Variants in HDX observed in about 807,000 individuals in gnomAD.
HDX encodes the protein chromosome X open reading frame 43.
Under a neutral mutation model 45.2 loss-of-function variants are expected in HDX, and 19 were observed. The ratio of observed to expected loss-of-function variants is 0.42; its 90% CI spans 0.29 to 0.62. HDX has a LOEUF of 0.62. HDX is among the 20% of genes least tolerant of loss of function. The pLI is 0.20. For missense variants in HDX, 532 were observed against 493.9 expected (o/e 1.08, Z -0.73); for synonymous variants, 188 against 172.8 (o/e 1.09, Z -0.69).
At chrX:84,417,586 A>G (rs1399216953) in intron 5 of HDX, among the ~76,000 whole-genome samples, 1 of 112,113 alleles carries the variant, frequency 8.9e-6, no homozygotes, top group Non-Finnish European at 1.9e-5. Context: ...AGAATGCTGG[A>G]AAATCTAGTA....
chrX:84,467,521 G>A (rs1367860478), intron 4 of HDX, among the ~76,000 whole-genome samples: 1 of 109,561 alleles, frequency 9.1e-6, no homozygotes, highest in African/African-American at 3.3e-5. Flanking sequence ...CAGCTACTCG[G>A]GAGGCTGAGG....
At chrX:84,450,305 A>G (rs763888980) in intron 4 of HDX, among the ~76,000 whole-genome samples, 2 of 111,784 alleles carry the variant, frequency 1.8e-5, no homozygotes, top group South Asian at 3.8e-4. Flanking sequence ...CAAGAAAGCA[A>G]TCTCACCTAT....
At chrX:84,429,855 A>G (rs543617712) in intron 5 of HDX, among the ~76,000 whole-genome samples, 1 of 110,279 alleles carries the variant, frequency 9.1e-6, no homozygotes, top group East Asian at 2.8e-4. Flanking sequence ...TTTTTTTGCA[A>G]TGGAAAGGAC....
rs1267701267 is a variant in HDX, at chrX:84,468,773, C to G, written c.950G>C (p.Arg317Thr). The stretch of plus-strand genomic sequence containing the variant: ...TCTCGAATAGCTTGGTATCTGTGCT[C>G]TCATCGATGCCAGCTCTTCCTCTCT... ...YAREEELASM[R>T]AQIPSYSRFY... The change falls in exon 4 of 11, where the codon AGA becomes ACA. Residue 317 changes from arginine (R) to threonine (T), a missense_variant. By Grantham distance (71) the Arg-to-Thr change is moderately conservative. Around this residue, in one of 3 missense-constraint regions of HDX, gnomAD observed 376 missense variants for 343.7 expected, o/e 1.09. Coordinates refer to ENST00000373177, the MANE Select transcript of HDX (RefSeq NM_001177479.2). The G allele has an allele frequency of 1.7e-6, 2 of 1,210,916 alleles. No homozygotes were observed. The highest frequency in any genetic ancestry group is 2.2e-6 in the Non-Finnish European group (2 of 894,814).
In HDX at chrX:84,349,657, A is replaced by T. The variant is rs190520039; in HGVS notation, c.1453-5200T>A. On this transcript the variant is annotated intron_variant, in intron 6 of 10. Coordinates refer to ENST00000373177, the MANE Select transcript of HDX (RefSeq NM_001177479.2). Reference sequence around the variant, plus strand: ...AACAACCCTAACCCCTAACCCCCTTAACCCTTGACCTTAACCCTAGCCCTG... The same window carrying T: ...AACAACCCTAACCCCTAACCCCCTTTACCCTTGACCTTAACCCTAGCCCTG... Among the ~76,000 whole-genome samples the T allele has an allele frequency of 3.5e-3, 249 of 71,213 alleles. 1 individual carries two copies. The highest frequency in any genetic ancestry group is 0.014 in the African/African-American group (244 of 17,125). The allele number at this position is 71,213 out of a possible 115,157, so 61.8% of individuals were successfully genotyped here.
rs1429679169 is a variant in HDX at position 84,435,713 on chromosome X, T to C, written c.1305+4819A>G. Among the ~76,000 whole-genome samples the C allele has an allele frequency of 2.8e-5, 3 of 108,892 alleles. No individual in the cohort carries two copies. The East Asian group carries it at 8.7e-4, about 31-fold the overall frequency. The allele number at this position is 108,892 out of a possible 115,157, so 94.6% of individuals were successfully genotyped here. On this transcript the variant is annotated intron_variant, in intron 5 of 10. Transcript: ENST00000373177. ...GTTTTAGGTCTAACGTTTAAATCTT[T>C]AATCCATCTTGAATTGATTTTTGTA...
At chrX:84,362,874 C>T (rs1297753456) in intron 5 of HDX, among the ~76,000 whole-genome samples, 1 of 111,641 alleles carries the variant, frequency 9.0e-6, no homozygotes, top group African/African-American at 3.3e-5. Context: ...TGATGTAATA[C>T]TAAACAACAG....
chrX:84,435,282 G>A (rs1423421981), intron 5 of HDX, among the ~76,000 whole-genome samples: 2 of 111,252 alleles, frequency 1.8e-5, no homozygotes, highest in African/African-American at 6.5e-5. Flanking sequence ...ATCTCATAGT[G>A]GTTTTGATTT....
intron 6 of HDX, among the ~76,000 whole-genome samples, chrX:84,351,355 T>C (rs1040431345): frequency 2.7e-5 from 3 of 111,023 alleles, no homozygotes; most frequent in Non-Finnish European, 5.7e-5. Context: ...TGAGTGTTTT[T>C]TGTTTGTTGG....
intron 5 of HDX, among the ~76,000 whole-genome samples, chrX:84,431,785 T>C (rs1326697752): frequency 9.0e-6 from 1 of 111,437 alleles, no homozygotes; most frequent in African/African-American, 3.3e-5. Context: ...ATTCTGTAGG[T>C]TGTCTGTTTA....
At chrX:84,474,382 CTT>C (rs1440191317) in intron 3 of HDX, among the ~76,000 whole-genome samples, 5 of 112,507 alleles carry the variant, frequency 4.4e-5, no homozygotes. Flanking sequence ...GCGAATAAAT[CTT>C]TTAGTCTTTA....
At chrX:84,422,663 G>GTTTTTTTTTTTTTT (rs779557860) in intron 5 of HDX, among the ~76,000 whole-genome samples, 2 of 64,923 alleles carry the variant, frequency 3.1e-5, no homozygotes, top group African/African-American at 5.6e-5. Context: ...GAAATAAAAG[G>GTTTTTTTTTTTTTT]TTTTTTTTTT....
At chrX:84,464,479 T>C (rs917793860) in intron 4 of HDX, among the ~76,000 whole-genome samples, 5 of 111,012 alleles carry the variant, frequency 4.5e-5, no homozygotes, top group Non-Finnish European at 5.7e-5. Flanking sequence ...AAAACAGATA[T>C]ATAGACTAAT....
At chrX:84,360,116 C>T (rs2037584778) in intron 6 of HDX, among the ~76,000 whole-genome samples, 1 of 111,595 alleles carries the variant, frequency 9.0e-6, no homozygotes, top group African/African-American at 3.2e-5. Flanking sequence ...AAAAAGTGGG[C>T]AAAGGACATG....
At chrX:84,347,414 C>T (rs1471049000) in intron 6 of HDX, among the ~76,000 whole-genome samples, 1 of 111,013 alleles carries the variant, frequency 9.0e-6, no homozygotes, top group Non-Finnish European at 1.9e-5. Context: ...TGAGAGCTTC[C>T]TGTTTTCTAA....
intron 5 of HDX, among the ~76,000 whole-genome samples, chrX:84,390,059 C>T (rs1057057989): frequency 4.5e-5 from 5 of 110,335 alleles, no homozygotes; most frequent in Non-Finnish European, 7.6e-5. Context: ...CCAGTGTAAC[C>T]GTTCTATCCA....
In HDX at chrX:84,321,167, G is replaced by T. The variant is rs762122858; in HGVS notation, c.*722C>A. The T allele has an allele frequency of 9.0e-6, 1 of 110,821 alleles. No individual in the cohort carries two copies. The highest frequency in any genetic ancestry group is 1.9e-5 in the Non-Finnish European group (1 of 52,425). 9.1% of individuals were successfully genotyped at this position (110,821 alleles called of 1,213,427 possible). A position where few individuals can be genotyped will look rare whatever the true frequency, so the allele number is the denominator to read the frequency against. ...AATACTTGTCATTTGTAGTAATGAA[G>T]AATCCCCATCAAGACTAATTTTGAC... On this transcript the variant is annotated 3_prime_UTR_variant, in exon 11 of 11. Transcript: ENST00000373177.
chrX:84,419,496 G>C (rs1486562616), intron 5 of HDX, among the ~76,000 whole-genome samples: 2 of 111,985 alleles, frequency 1.8e-5, no homozygotes, highest in Non-Finnish European at 3.8e-5. Flanking sequence ...CTTGGTGTCT[G>C]AGTGCCATCT....
intron 6 of HDX, 142 bp from the exon 7 acceptor site, chrX:84,344,599 A>G (rs2147801381): frequency 2.5e-6 from 1 of 398,778 alleles, no homozygotes; most frequent in East Asian, 4.0e-5. Context: ...CTTTTATGTC[A>G]ATACGCTAAA....
Sources: gnomAD v4.1 joint callset for allele counts (sites outside exome capture counted in the v4.1 genomes callset) on GRCh38, gnomAD v4.1.1 for gene constraint, gnomAD v4.1.1 regional missense constraint, MANE v1.5 for transcripts, NCBI Gene and HGNC (gene_info 2026-07-23, HGNC 2026-07-21) for gene names.